The following SLC25A13 variants were observed in gnomAD, a reference collection of about 807,000 sequenced individuals.
SLC25A13 encodes solute carrier family 25 member 13.
SLC25A13 carries 70 observed loss-of-function variants against 85.5 expected under a neutral mutation model. The observed-to-expected ratio is 0.82, with a 90% CI of 0.68 to 1.00. The LOEUF (loss-of-function observed/expected upper bound fraction) is 1.00. Among genes scored for constraint, SLC25A13 ranks in the 50% least tolerant of loss-of-function variants. The probability of loss-of-function intolerance (pLI) is 0.00; values close to 1 mark genes in which losing one functional copy is unlikely to be tolerated. For missense variants in SLC25A13, 765 were observed against 819.8 expected (o/e 0.93, Z 0.82); for synonymous variants, 259 against 288.7 (o/e 0.90, Z 1.04).
intron 14 of SLC25A13, among the ~76,000 whole-genome samples, chr7:96,141,556 G>A (rs1206812451): frequency 6.6e-6 from 1 of 152,210 alleles, no homozygotes; most frequent in African/African-American, 2.4e-5. Context: ...AAGCCCTGAA[G>A]AGGCTTTCAC....
At chr7:96,250,310 A>G (rs1157204811) in intron 3 of SLC25A13, among the ~76,000 whole-genome samples, 1 of 152,224 alleles carries the variant, frequency 6.6e-6, no homozygotes, top group Admixed American at 6.5e-5. Flanking sequence ...GTTTTGCCCA[A>G]GTAGATGCAA....
chr7:96,224,860 A>G (rs1191230022), intron 4 of SLC25A13, among the ~76,000 whole-genome samples: 1 of 152,178 alleles, frequency 6.6e-6, no homozygotes, highest in Admixed American at 6.5e-5. Flanking sequence ...CATGAGTATC[A>G]ACACCAGAGG....
At chr7:96,305,660 T>C (rs1019615190) in intron 1 of SLC25A13, among the ~76,000 whole-genome samples, 2 of 152,210 alleles carry the variant, frequency 1.3e-5, no homozygotes, top group African/African-American at 4.8e-5. Flanking sequence ...ATATGACGTA[T>C]TTATAAAGTG....
intron 1 of SLC25A13, among the ~76,000 whole-genome samples, chr7:96,304,713 C>T (rs974481090): frequency 1.3e-5 from 2 of 152,192 alleles, no homozygotes; most frequent in African/African-American, 4.8e-5. Context: ...CTAACAACCA[C>T]TCCTTAGATG....
chr7:96,232,558 T>C (rs1796583096), intron 4 of SLC25A13, among the ~76,000 whole-genome samples: 1 of 144,790 alleles, frequency 6.9e-6, no homozygotes, highest in Non-Finnish European at 1.5e-5. Flanking sequence ...AATTTACCTA[T>C]ATAGTAAACC....
At chr7:96,157,090 T>A (rs543940852) in intron 13 of SLC25A13, among the ~76,000 whole-genome samples, 2 of 152,274 alleles carry the variant, frequency 1.3e-5, no homozygotes, top group African/African-American at 4.8e-5. Flanking sequence ...CACCTTTGCA[T>A]CCAGGAGTGC....
intron 13 of SLC25A13, among the ~76,000 whole-genome samples, chr7:96,149,329 G>C (rs1792926076): frequency 6.6e-6 from 1 of 152,064 alleles, no homozygotes; most frequent in African/African-American, 2.4e-5. Context: ...GTTATGAAAG[G>C]GTACAATTCT....
chr7:96,277,852 C>A (rs1420910144), intron 2 of SLC25A13, among the ~76,000 whole-genome samples: 1 of 151,236 alleles, frequency 6.6e-6, no homozygotes, highest in African/African-American at 2.4e-5. Context: ...AACCTAATTC[C>A]TTTGCCCCAT....
chr7:96,186,298 G>A (rs912183393), intron 9 of SLC25A13, among the ~76,000 whole-genome samples: 12 of 151,980 alleles, frequency 7.9e-5, no homozygotes, highest in African/African-American at 2.4e-4. Flanking sequence ...ACGTGGTGGC[G>A]CATGCCTGTA....
At chr7:96,139,622 T>G (rs1792438449) in intron 14 of SLC25A13, among the ~76,000 whole-genome samples, 1 of 152,226 alleles carries the variant, frequency 6.6e-6, no homozygotes, top group Admixed American at 6.5e-5. Flanking sequence ...CTTATTTCAA[T>G]TTTTGATGTT....
chr7:96,187,257 A>T (rs1477483429), intron 9 of SLC25A13, among the ~76,000 whole-genome samples: 3 of 152,240 alleles, frequency 2.0e-5, no homozygotes, highest in Admixed American at 2.0e-4. Context: ...TGATAATTAA[A>T]ATCAGTGAAC....
At position 96,178,555 on chromosome 7, in the gene SLC25A13, C is replaced by T. The variant is rs77132217; in HGVS notation, c.1177+5722G>A. ...ACACTGTTGTGTTATCTAGTTTCCA[C>T]CTGGTAGCAACCCCTCCGATGTCAA... On this transcript the variant is annotated intron_variant, in intron 11 of 17. Coordinates refer to ENST00000265631, the MANE Select transcript of SLC25A13 (RefSeq NM_014251.3). 6.3e-3 allele frequency among the ~76,000 whole-genome samples: 963 copies of T among 152,256 alleles called. 7 individuals are homozygous for T. Among genetic ancestry groups the T allele is most frequent in the Non-Finnish European group, 0.01 (713 of 68,012 alleles).
At chr7:96,176,676 A>G (rs1203524083) in intron 11 of SLC25A13, among the ~76,000 whole-genome samples, 1 of 152,180 alleles carries the variant, frequency 6.6e-6, no homozygotes, top group African/African-American at 2.4e-5. Context: ...TTCACAGGAC[A>G]TCCCCAAAAG....
At chr7:96,252,313 A>C (rs934771160) in intron 3 of SLC25A13, among the ~76,000 whole-genome samples, 1 of 152,112 alleles carries the variant, frequency 6.6e-6, no homozygotes, top group African/African-American at 2.4e-5. Flanking sequence ...ATTTGAAGGG[A>C]GGTGTGAAAG....
At chr7:96,128,438 A>G (rs1011517118) in intron 15 of SLC25A13, among the ~76,000 whole-genome samples, 4 of 152,192 alleles carry the variant, frequency 2.6e-5, no homozygotes, top group Admixed American at 2.6e-4. Flanking sequence ...AAATTAAGAA[A>G]GTAGCTTACT....
At chr7:96,254,842 A>T (rs1463132402) in intron 3 of SLC25A13, among the ~76,000 whole-genome samples, 1 of 152,330 alleles carries the variant, frequency 6.6e-6, no homozygotes, top group East Asian at 1.9e-4. Context: ...ACCTATAAAA[A>T]GGAAGGAAGA....
At chr7:96,296,669 T>C (rs1187976004) in intron 2 of SLC25A13, among the ~76,000 whole-genome samples, 1 of 152,030 alleles carries the variant, frequency 6.6e-6, no homozygotes, top group Non-Finnish European at 1.5e-5. Context: ...TCAGTAAAGA[T>C]GGGGTTTCAC....
chr7:96,194,311 G>T (rs1794972158), intron 5 of SLC25A13, among the ~76,000 whole-genome samples: 2 of 150,058 alleles, frequency 1.3e-5, no homozygotes, highest in Admixed American at 1.3e-4. Flanking sequence ...GCATGGAGGT[G>T]CATGCCTGTA....
chr7:96,208,721 G>A, intron 5 of SLC25A13, 117 bp downstream of exon 5: 1 of 1,143,640 alleles, frequency 8.7e-7, no homozygotes, highest in Non-Finnish European at 1.3e-6. Flanking sequence ...TGGCCAGGAT[G>A]GTCTCGATCT....
Sources: gnomAD v4.1 joint callset for allele counts (sites outside exome capture counted in the v4.1 genomes callset) on GRCh38, gnomAD v4.1.1 for gene constraint, MANE v1.5 for transcripts, NCBI Gene and HGNC (gene_info 2026-07-23, HGNC 2026-07-21) for gene names.